GRM7: variants seen among roughly 807,000 people sequenced by gnomAD.
The protein encoded by GRM7 is glutamate metabotropic receptor 7.
Under a neutral mutation model 84.5 loss-of-function variants are expected in GRM7, and 35 were observed. The observed-to-expected ratio is 0.41, with a 90% confidence interval of 0.32 to 0.55. The LOEUF (loss-of-function observed/expected upper bound fraction) is 0.55. Ranked by LOEUF, GRM7 falls within the 20% of genes least tolerant of loss-of-function variation. The pLI, the probability that GRM7 is intolerant of heterozygous loss-of-function variation, is 0.19. For missense variants in GRM7, 1,003 were observed against 1,194.6 expected (o/e 0.84, Z 2.36); for synonymous variants, 487 against 455.1 (o/e 1.07, Z -0.89).
At chr3:6,936,063 T>C (rs1697681744) in intron 1 of GRM7, among the ~76,000 whole-genome samples, 1 of 152,098 alleles carries the variant, frequency 6.6e-6, no homozygotes, top group Non-Finnish European at 1.5e-5. Context: ...GCCTCTCCAG[T>C]GTCCAGCTCA....
At chr3:7,539,539 G>T (rs1297585248) in intron 7 of GRM7, among the ~76,000 whole-genome samples, 1 of 152,036 alleles carries the variant, frequency 6.6e-6, no homozygotes, top group Non-Finnish European at 1.5e-5. Flanking sequence ...ATCCAGGCAT[G>T]GTGGCAGGTG....
intron 1 of GRM7, among the ~76,000 whole-genome samples, chr3:7,023,704 A>G (rs1262753638): frequency 1.3e-5 from 2 of 152,126 alleles, no homozygotes; most frequent in Non-Finnish European, 2.9e-5. Flanking sequence ...GTACCTTTGC[A>G]GTCCTGCCTG....
chr3:7,630,485 C>G (rs913679176), intron 8 of GRM7, among the ~76,000 whole-genome samples: 4 of 152,130 alleles, frequency 2.6e-5, no homozygotes, highest in African/African-American at 7.2e-5. Flanking sequence ...CCAGACGCAC[C>G]TCTTCCTTGA....
intron 8 of GRM7, among the ~76,000 whole-genome samples, chr3:7,634,697 G>C (rs1252383472): frequency 6.6e-6 from 1 of 151,854 alleles, no homozygotes; most frequent in Admixed American, 6.6e-5. Context: ...GGGAGGCTGA[G>C]GCAGGAGAAT....
chr3:7,322,369 C>A (rs1017002496), intron 4 of GRM7, among the ~76,000 whole-genome samples: 5 of 151,914 alleles, frequency 3.3e-5, no homozygotes, highest in Admixed American at 6.6e-5. Flanking sequence ...ATCCCCACCA[C>A]CTTTTTGTTT....
intron 1 of GRM7, among the ~76,000 whole-genome samples, chr3:6,985,729 T>C (rs1694383634): frequency 6.6e-6 from 1 of 152,136 alleles, no homozygotes; most frequent in South Asian, 2.1e-4. Context: ...AAGAAAAGGA[T>C]GATAATACTG....
chr3:7,672,176 C>T (rs1699944520), intron 8 of GRM7, among the ~76,000 whole-genome samples: 1 of 152,118 alleles, frequency 6.6e-6, no homozygotes, highest in African/African-American at 2.4e-5. Flanking sequence ...CCTCAGAGTA[C>T]TGACCTTCAG....
intron 1 of GRM7, among the ~76,000 whole-genome samples, chr3:6,969,365 A>G (rs1693649114): frequency 1.3e-5 from 2 of 152,210 alleles, no homozygotes; most frequent in South Asian, 4.1e-4. Context: ...GGTAGTTATC[A>G]TTATCCCCAT....
intron 5 of GRM7, among the ~76,000 whole-genome samples, chr3:7,420,439 C>G (rs923736753): frequency 1.3e-5 from 2 of 152,042 alleles, no homozygotes; most frequent in Non-Finnish European, 2.9e-5. Flanking sequence ...TACTCTAAGA[C>G]TTTTTTTGAA....
At chr3:6,984,099 C>A (rs1315103786) in intron 1 of GRM7, among the ~76,000 whole-genome samples, 1 of 152,118 alleles carries the variant, frequency 6.6e-6, no homozygotes, top group African/African-American at 2.4e-5. Flanking sequence ...ATTACCTTGC[C>A]ACTTTTAATT....
At chr3:7,628,507 T>C (rs1237083788) in intron 8 of GRM7, among the ~76,000 whole-genome samples, 1 of 152,220 alleles carries the variant, frequency 6.6e-6, no homozygotes, top group Non-Finnish European at 1.5e-5. Context: ...AGAAAGAACA[T>C]GTTGAACTGT....
chr3:7,425,094 C>T (rs537492448), intron 5 of GRM7, among the ~76,000 whole-genome samples: 28 of 152,192 alleles, frequency 1.8e-4, no homozygotes, highest in African/African-American at 2.9e-4. Flanking sequence ...TCTCATTTTT[C>T]GGTAACTTCG....
At chr3:6,940,228 A>G (rs1697839911) in intron 1 of GRM7, among the ~76,000 whole-genome samples, 1 of 152,046 alleles carries the variant, frequency 6.6e-6, no homozygotes, top group African/African-American at 2.4e-5. Flanking sequence ...AGTAGCTGGG[A>G]CTACAGGTGC....
At chr3:7,689,575 C>G (rs973297521) in intron 9 of GRM7, among the ~76,000 whole-genome samples, 1 of 152,162 alleles carries the variant, frequency 6.6e-6, no homozygotes, top group Non-Finnish European at 1.5e-5. Context: ...CTCAGCATAT[C>G]TTCAAAATCC....
intron 6 of GRM7, among the ~76,000 whole-genome samples, chr3:7,454,145 A>G (rs1697908503): frequency 6.8e-6 from 1 of 148,054 alleles, no homozygotes; most frequent in African/African-American, 2.5e-5. Flanking sequence ...CTAACATCAC[A>G]ATACTCAAGT....
chr3:7,626,096 G>A (rs1448780690), intron 8 of GRM7, among the ~76,000 whole-genome samples: 2 of 152,022 alleles, frequency 1.3e-5, no homozygotes, highest in East Asian at 1.9e-4. Context: ...TAGTATGTCC[G>A]GAGGCCAGAC....
chr3:7,115,158 G>C (rs184332182), intron 1 of GRM7, among the ~76,000 whole-genome samples: 3 of 152,086 alleles, frequency 2.0e-5, no homozygotes, highest in African/African-American at 7.2e-5. Context: ...TAAATACTTG[G>C]GTAAGAGATG....
At chr3:7,732,000 G>A (rs1180865173) in intron 9 of GRM7, among the ~76,000 whole-genome samples, 1 of 152,062 alleles carries the variant, frequency 6.6e-6, no homozygotes, top group Non-Finnish European at 1.5e-5. Context: ...GAGATAATAT[G>A]AGTGCAAACT....
chr3:7,345,932 C>T (rs777900506), intron 4 of GRM7, among the ~76,000 whole-genome samples: 8 of 152,002 alleles, frequency 5.3e-5, no homozygotes, highest in African/African-American at 9.7e-5. Context: ...AGTATAAAGA[C>T]GTTATGATTA....
Sources: gnomAD v4.1 joint callset for allele counts (sites outside exome capture counted in the v4.1 genomes callset) on GRCh38, gnomAD v4.1.1 for gene constraint, MANE v1.5 for transcripts, NCBI Gene and HGNC (gene_info 2026-07-23, HGNC 2026-07-21) for gene names.